The following IFIT1B variants were observed in gnomAD, a reference collection of about 807,000 sequenced individuals.
IFIT1B encodes interferon induced protein with tetratricopeptide repeats 1B, also known as protein IFIT1 homolog B.
In IFIT1B, 3 loss-of-function variants were observed where a neutral mutation model predicts 2.5. The ratio of observed to expected loss-of-function variants is 1.21; its 90% CI spans 0.55 to 3.14. The LOEUF (loss-of-function observed/expected upper bound fraction) is 3.14, where lower values mean the gene tolerates loss of function less well. IFIT1B is among the 30% of genes most tolerant of loss of function. The pLI, the probability that IFIT1B is intolerant of heterozygous loss-of-function variation, is 0.03. For missense variants in IFIT1B, 545 were observed against 556.5 expected (o/e 0.98, Z 0.21); for synonymous variants, 196 against 203.0 (o/e 0.97, Z 0.29).
intron 1 of IFIT1B, among the ~76,000 whole-genome samples, chr10:89,382,357 C>A (rs1844169744): frequency 6.6e-6 from 1 of 152,160 alleles, no homozygotes; most frequent in African/African-American, 2.4e-5. Context: ...GTGAGGACCA[C>A]TTTTTCAACT....
intron 1 of IFIT1B, 63 bp from the exon 2 acceptor site, chr10:89,383,256 G>A (rs1844176503): frequency 1.4e-6 from 2 of 1,412,130 alleles, no homozygotes; most frequent in Non-Finnish European, 2.0e-6. Context: ...TGAAGTGCTG[G>A]CTTCATTTTC....
At chr10:89,382,429 C>T (rs1394265820) in intron 1 of IFIT1B, among the ~76,000 whole-genome samples, 2 of 152,146 alleles carry the variant, frequency 1.3e-5, no homozygotes. Flanking sequence ...ACTTCAGTTC[C>T]ACTTCAGAGG....
At position 89,385,075 on chromosome 10, in the gene IFIT1B, T is replaced by C. The variant is rs931379713; in HGVS notation, c.*337T>C. 2 of 199,540 alleles carry C rather than the reference T, an allele frequency of 1.0e-5. No homozygotes were observed. Among genetic ancestry groups the C allele is most frequent in the African/African-American group, 4.6e-5 (2 of 43,100 alleles). The allele number at this position is 199,540 out of a possible 1,614,324, so 12.4% of individuals were successfully genotyped here. ...CCTTATGTGGAAAATGCTGCAACCCTGTTTACTGCCTATGTAAGTGAAATC... is the reference window on the plus strand; with the variant it reads ...CCTTATGTGGAAAATGCTGCAACCCCGTTTACTGCCTATGTAAGTGAAATC... On this transcript the variant is annotated 3_prime_UTR_variant, in exon 2 of 2. Transcript: ENST00000371809.
intron 1 of IFIT1B, among the ~76,000 whole-genome samples, chr10:89,379,706 T>C (rs73369727): frequency 0.034 from 5,154 of 151,846 alleles, 300 homozygotes; most frequent in African/African-American, 0.12. Flanking sequence ...AGTACCCAAG[T>C]CTCTCTTTTT....
At chr10:89,379,517 G>A (rs1283788939) in intron 1 of IFIT1B, among the ~76,000 whole-genome samples, 1 of 151,994 alleles carries the variant, frequency 6.6e-6, no homozygotes, top group Non-Finnish European at 1.5e-5. Context: ...TGCAGAAAAT[G>A]CTTTCACTCA....
chr10:89,384,589 G>C lies in IFIT1B; in HGVS notation c.1276G>C (p.Ala426Pro). 1 of 1,614,138 alleles carries C rather than the reference G, an allele frequency of 6.2e-7. No individual in the cohort carries two copies. The highest frequency in any genetic ancestry group is 8.5e-7 in the Non-Finnish European group (1 of 1,180,002). ...EKLLNALEKLAKRCIHQNVRV... is the reference protein window; with the variant it reads ...EKLLNALEKLPKRCIHQNVRV... Reference sequence around the variant, plus strand: ...ACTTCTCAATGCTTTAGAGAAATTGGCTAAAAGATGTATTCACCAGAATGT... The same window carrying C: ...ACTTCTCAATGCTTTAGAGAAATTGCCTAAAAGATGTATTCACCAGAATGT... Residue 426 changes from alanine (A) to proline (P), a missense_variant, in exon 2 of 2, where the codon GCT becomes CCT. Physicochemically the swap from Ala to Pro is conservative, Grantham distance 27. Coordinates refer to ENST00000371809, the MANE Select transcript of IFIT1B (RefSeq NM_001010987.2).
intron 1 of IFIT1B, among the ~76,000 whole-genome samples, chr10:89,378,408 A>G (rs149541700): frequency 1.3e-5 from 2 of 152,298 alleles, no homozygotes; most frequent in African/African-American, 2.4e-5. Context: ...GGTTTACAAC[A>G]GTGGTAACAT....
In IFIT1B at chr10:89,380,765, A is replaced by G. The variant is rs192532254; in HGVS notation, c.6-2554A>G. On this transcript the variant is annotated intron_variant, in intron 1 of 1. Transcript: ENST00000371809. The stretch of plus-strand genomic sequence containing the variant: ...GATGATAATATGTATACTACTAATA[A>G]CAGCACTTTCTGTATGCTCACCAGA... 3.9e-5 allele frequency among the ~76,000 whole-genome samples: 6 copies of G among 152,294 alleles called. No homozygotes were observed. In the East Asian group the frequency reaches 1.2e-3, roughly 29 times the overall value.
chr10:89,384,068 A>G lies in IFIT1B; in HGVS notation c.755A>G (p.Tyr252Cys). ...CTGACCAGTATATCTTCACAGGCCTATGTCTTTCAATATGCAGCCAAGTTT... is the reference window on the plus strand; with the variant it reads ...CTGACCAGTATATCTTCACAGGCCTGTGTCTTTCAATATGCAGCCAAGTTT... ...EALTSISSQA[Y>C]VFQYAAKFYR... Residue 252 changes from tyrosine to cysteine, a missense_variant, in exon 2 of 2, where the codon TAT becomes TGT. Transcript: ENST00000371809. The G allele has an allele frequency of 6.2e-7, 1 of 1,614,212 alleles. No homozygotes were observed. Among genetic ancestry groups the G allele is most frequent in the Non-Finnish European group, 8.5e-7 (1 of 1,180,036 alleles).
At chr10:89,382,738 G>A (rs1246132842) in intron 1 of IFIT1B, among the ~76,000 whole-genome samples, 1 of 152,214 alleles carries the variant, frequency 6.6e-6, no homozygotes. Context: ...TTTAGGATTG[G>A]TTGAGTAAGT....
At chr10:89,380,233 A>G (rs1326018427) in intron 1 of IFIT1B, among the ~76,000 whole-genome samples, 1 of 152,104 alleles carries the variant, frequency 6.6e-6, no homozygotes, top group Non-Finnish European at 1.5e-5. Flanking sequence ...TAATGCCCAC[A>G]TCAAAATCCT....
chr10:89,380,507 C>G (rs11203101), intron 1 of IFIT1B, among the ~76,000 whole-genome samples: 104 of 151,666 alleles, frequency 6.9e-4, no homozygotes, highest in African/African-American at 1.3e-3. Context: ...ATGATCACAG[C>G]TCACTGCAGC....
intron 1 of IFIT1B, among the ~76,000 whole-genome samples, chr10:89,379,247 T>C (rs1844143933): frequency 6.6e-6 from 1 of 152,200 alleles, no homozygotes; most frequent in Admixed American, 6.5e-5. Flanking sequence ...GTCCCCTGAC[T>C]AGCAACATCA....
chr10:89,383,474 T>C lies in IFIT1B; in HGVS notation c.161T>C (p.Ile54Thr), dbSNP rs1006474875. ...QFLDTKYNVG[I>T]HNLLAYVKHL... ...CTGGACACCAAATACAATGTGGGAA[T>C]ACACAACCTACTAGCCTATGTGAAA... The change falls in exon 2 of 2, where the codon ATA becomes ACA. Residue 54 changes from isoleucine to threonine, a missense_variant. By Grantham distance (89) the Ile-to-Thr change is moderately conservative (BLOSUM62 -1). Coordinates refer to ENST00000371809, the MANE Select transcript of IFIT1B (RefSeq NM_001010987.2). 5 of 1,614,188 alleles carry C rather than the reference T, an allele frequency of 3.1e-6. No homozygotes were observed. Among genetic ancestry groups the C allele is most frequent in the Non-Finnish European group, 4.2e-6 (5 of 1,180,032 alleles).
chr10:89,384,645 G>C lies in IFIT1B; in HGVS notation c.1332G>C (p.Gly444=). ...VRVVESVSLL[G]LIHKLKGEVS... ...TTGTGGAAAGTGTCAGCCTCCTTGG[G>C]CTTATCCACAAATTGAAAGGAGAAG... The change falls in exon 2 of 2, where the codon GGG becomes GGC. Residue 444 remains glycine, a synonymous_variant. Coordinates refer to ENST00000371809, the MANE Select transcript of IFIT1B (RefSeq NM_001010987.2). 2 of 1,614,210 alleles carry C rather than the reference G, an allele frequency of 1.2e-6. No homozygotes were observed. The highest frequency in any genetic ancestry group is 2.2e-5 in the South Asian group (2 of 91,088).
In IFIT1B at chr10:89,384,807, C is replaced by T. The variant is rs1844193768; in HGVS notation, c.*69C>T. The T allele has an allele frequency of 7.5e-6, 10 of 1,333,590 alleles. No homozygotes were observed. The South Asian group carries it at 1.3e-4, about 17-fold the overall frequency. 82.6% of individuals were successfully genotyped at this position (1,333,590 alleles called of 1,614,324 possible). On this transcript the variant is annotated 3_prime_UTR_variant, in exon 2 of 2. Transcript: ENST00000371809. ...AGAATGACTATGAAATTAAATAATGCAAACTTAAAGCTGTTGGAAATTTAC... is the reference window on the plus strand; with the variant it reads ...AGAATGACTATGAAATTAAATAATGTAAACTTAAAGCTGTTGGAAATTTAC...
At position 89,383,877 on chromosome 10, in the gene IFIT1B, G is replaced by A; in HGVS notation, c.564G>A (p.Leu188=). The A allele has an allele frequency of 6.2e-7, 1 of 1,614,140 alleles. No homozygotes were observed. The highest frequency in any genetic ancestry group is 8.5e-7 in the Non-Finnish European group (1 of 1,180,026). ...GGTACGCAATCACCGTCTATCGCCT[G>A]GATAAATTTAACACAGCATCAGGGA... is the stretch of plus-strand genomic sequence containing the variant. The part of the protein sequence containing the change: ...NTGYAITVYR[L]DKFNTASGRN... Residue 188 remains leucine (L), a synonymous_variant, in exon 2 of 2, where the codon CTG becomes CTA. Transcript: ENST00000371809.
chr10:89,384,150 G>A lies in IFIT1B; in HGVS notation c.837G>A (p.Glu279=). 1 of 1,614,212 alleles carries A rather than the reference G, an allele frequency of 6.2e-7. No individual in the cohort carries two copies. The highest frequency in any genetic ancestry group is 1.1e-5 in the South Asian group (1 of 91,084). ...TTGAGCTCTTAAAAATGGCCTTGGA[G>A]ACAACACCCACTTCTGCCTTCCTGC... The part of the protein sequence containing the change: ...KALELLKMAL[E]TTPTSAFLHH... Residue 279 remains glutamate, a synonymous_variant, in exon 2 of 2, where the codon GAG becomes GAA. Transcript: ENST00000371809.
chr10:89,382,040 G>C (rs1249327340), intron 1 of IFIT1B, among the ~76,000 whole-genome samples: 4 of 152,084 alleles, frequency 2.6e-5, no homozygotes, highest in African/African-American at 9.7e-5. Flanking sequence ...AAAATGCTAG[G>C]ATTACAGGTG....
Sources: gnomAD v4.1 joint callset for allele counts (sites outside exome capture counted in the v4.1 genomes callset) on GRCh38, gnomAD v4.1.1 for gene constraint, MANE v1.5 for transcripts, NCBI Gene and HGNC (gene_info 2026-07-23, HGNC 2026-07-21) for gene names.